Variants in EHMT1 observed in about 807,000 individuals in gnomAD.
EHMT1 encodes the protein histone-lysine N-methyltransferase EHMT1.
EHMT1 carries 15 observed loss-of-function variants against 147.2 expected under a neutral mutation model. The ratio of observed to expected loss-of-function variants is 0.10; its 90% CI spans 0.07 to 0.16. EHMT1 has a LOEUF of 0.16. Among genes scored for constraint, EHMT1 ranks in the 10% least tolerant of loss-of-function variants. The probability of loss-of-function intolerance (pLI) is 1.00; values close to 1 mark genes in which losing one functional copy is unlikely to be tolerated. For missense variants in EHMT1, 1,587 were observed against 1,772.4 expected (o/e 0.90, Z 1.88); for synonymous variants, 795 against 709.6 (o/e 1.12, Z -1.91).
At position 137,693,090 on chromosome 9, in the gene EHMT1, G is replaced by T. The variant is rs140797696; in HGVS notation, c.22-17877G>T. 2.6e-5 allele frequency among the ~76,000 whole-genome samples: 4 copies of T among 152,278 alleles called. No individual in the cohort carries two copies. In the East Asian group the frequency reaches 5.8e-4, roughly 22 times the overall value. On this transcript the variant is annotated intron_variant, in intron 1 of 26. Coordinates refer to ENST00000460843, the MANE Select transcript of EHMT1 (RefSeq NM_024757.5). ...ATAAGACTTTTTAGAAAGGAAAAGT[G>T]TAGTGGGTGGATGGAAAGAGCAGGT...
chr9:137,637,359 G>C (rs1844161365), intron 1 of EHMT1: 1 of 152,146 alleles, frequency 6.6e-6, no homozygotes, highest in African/African-American at 2.4e-5. Flanking sequence ...ATTTTTAGTA[G>C]AGATGGGATT....
rs1409865645 is a variant in EHMT1 at position 137,835,163 on chromosome 9, C to G, written c.*210C>G. 4.1e-6 allele frequency: 2 copies of G among 491,234 alleles called. No individual in the cohort carries two copies. The highest frequency in any genetic ancestry group is 6.6e-6 in the Non-Finnish European group (2 of 301,314). The allele number at this position is 491,234 out of a possible 1,614,324, so 30.4% of individuals were successfully genotyped here. A position where few individuals can be genotyped will look rare whatever the true frequency, so the allele number is the denominator to read the frequency against. ...CCCAGACCTGCGGCCTCACCGCGGGCCCAGTGCCCAGGCTGGAGCGCACAC... is the reference window on the plus strand; with the variant it reads ...CCCAGACCTGCGGCCTCACCGCGGGGCCAGTGCCCAGGCTGGAGCGCACAC... On this transcript the variant is annotated 3_prime_UTR_variant, in exon 27 of 27. Transcript: ENST00000460843.
chr9:137,658,250 A>G (rs566984046), intron 1 of EHMT1, among the ~76,000 whole-genome samples: 1 of 152,168 alleles, frequency 6.6e-6, no homozygotes, highest in South Asian at 2.1e-4. Flanking sequence ...TCCTGGGTTC[A>G]AGTGATTCTT....
chr9:137,686,782 G>GT (rs1162890100), intron 1 of EHMT1, among the ~76,000 whole-genome samples: 3 of 148,336 alleles, frequency 2.0e-5, no homozygotes, highest in African/African-American at 7.6e-5. Flanking sequence ...CCAGGCTAGA[G>GT]TGCAGTGGCG....
rs142643709 is a variant in EHMT1 at position 137,727,079 on chromosome 9, T to C, written c.643-1270T>C. On this transcript the variant is annotated intron_variant, in intron 3 of 26. Transcript: ENST00000460843. Reference sequence around the variant, plus strand: ...ATAATTCCTGATGGATTTGCAGATGTTTTCTCCATTCCATAACCTGCTTTT... The same window carrying C: ...ATAATTCCTGATGGATTTGCAGATGCTTTCTCCATTCCATAACCTGCTTTT... Among the ~76,000 whole-genome samples the C allele has an allele frequency of 5.5e-3, 844 of 152,312 alleles. 9 individuals carry two copies. The highest frequency in any genetic ancestry group is 0.019 in the African/African-American group (786 of 41,560).
chr9:137,796,916 T>A (rs1442877576), intron 16 of EHMT1, among the ~76,000 whole-genome samples: 1 of 152,072 alleles, frequency 6.6e-6, no homozygotes, highest in Non-Finnish European at 1.5e-5. Flanking sequence ...GGGTCCTTAC[T>A]GGTGGGGCGC....
At position 137,776,819 on chromosome 9, in the gene EHMT1, G is replaced by A. The variant is rs1950996044; in HGVS notation, c.1993G>A (p.Gly665Ser). 14 of 1,613,908 alleles carry A rather than the reference G, an allele frequency of 8.7e-6. No homozygotes were observed. The highest frequency in any genetic ancestry group is 1.2e-5 in the Non-Finnish European group (14 of 1,179,992). Residue 665 changes from glycine (G) to serine (S), a missense_variant, in exon 12 of 27, where the codon GGC (glycine) becomes AGC (serine). Transcript: ENST00000460843. This position sits in a 1 kb window ranked among gnomAD's most constrained non-coding sequence, Gnocchi z 4.4. ...GCAGGAGAAGGGCTCGGCCCTGGAG[G>A]GCAGGGCCGACACCACAACGGGCAG... Reference protein sequence around the residue: ...PGQEKGSALEGRADTTTGSAA... With the variant: ...PGQEKGSALESRADTTTGSAA...
chr9:137,717,045 C>G lies in EHMT1; in HGVS notation c.505C>G (p.Pro169Ala), dbSNP rs770718072. ...CAAAGGCAGGACTCCAAGCGCTTTT[C>G]CCCAGACGCCAGCCGCCCCACCAGC... is the stretch of plus-strand genomic sequence containing the variant. ...AGKGRTPSAFPQTPAAPPATL... is the reference protein window; with the variant it reads ...AGKGRTPSAFAQTPAAPPATL... Residue 169 changes from proline to alanine, a missense_variant, in exon 3 of 27, where the codon CCC becomes GCC. By Grantham distance (27) the Pro-to-Ala change is conservative (BLOSUM62 -1). Transcript: ENST00000460843. 4 of 1,606,970 alleles carry G rather than the reference C, an allele frequency of 2.5e-6. No homozygotes were observed. Among genetic ancestry groups the G allele is most frequent in the Non-Finnish European group, 3.4e-6 (4 of 1,175,888 alleles).
At position 137,813,443 on chromosome 9, in the gene EHMT1, C is replaced by T. The variant is rs62590780; in HGVS notation, c.3093C>T (p.Ser1031=). Residue 1031 remains serine (S), a synonymous_variant, in exon 21 of 27, where the codon AGC becomes AGT. Transcript: ENST00000460843. This position sits in a 1 kb window ranked among gnomAD's most constrained non-coding sequence, Gnocchi z 4.9. ...TCCCCTGTGTCAACGCCGTGGACAG[C>T]GAGCCATGCCCCAGCAACTACAAGT... is the stretch of plus-strand genomic sequence containing the variant. The part of the protein sequence containing the change: ...IPIPCVNAVD[S]EPCPSNYKYV... 124 of 1,613,656 alleles carry T rather than the reference C, an allele frequency of 7.7e-5. No individual in the cohort carries two copies. Among genetic ancestry groups the T allele is most frequent in the East Asian group, 3.8e-4 (17 of 44,886 alleles).
chr9:137,645,282 T>G (rs768293219), intron 1 of EHMT1, among the ~76,000 whole-genome samples: 1 of 152,288 alleles, frequency 6.6e-6, no homozygotes, highest in Non-Finnish European at 1.5e-5. Flanking sequence ...CGGAATTGGC[T>G]TGCGCCTTTA....
chr9:137,740,644 A>T (rs1947976067), intron 4 of EHMT1, among the ~76,000 whole-genome samples: 1 of 150,596 alleles, frequency 6.6e-6, no homozygotes, highest in Non-Finnish European at 1.5e-5. Context: ...ACATTTCTGA[A>T]AGTCATCCAT....
Position 137,788,051 on chromosome 9 carries a change from T to C in EHMT1, c.2383-2797T>C, listed in dbSNP as rs1952137646. ...GGAAGAGGGTTGAGGGCCTGATGGC[T>C]CCCGCTGGCAAAGTCTCCCCCTCCA... is the stretch of plus-strand genomic sequence containing the variant. On this transcript the variant is annotated intron_variant, in intron 15 of 26. Transcript: ENST00000460843. 24 of 1,357,732 alleles carry C rather than the reference T, an allele frequency of 1.8e-5. No homozygotes were observed. In the East Asian group the frequency reaches 5.8e-4, roughly 33 times the overall value. 84.1% of individuals were successfully genotyped at this position (1,357,732 alleles called of 1,614,324 possible).
At chr9:137,792,780 A>G (rs1367355498) in intron 16 of EHMT1, among the ~76,000 whole-genome samples, 3 of 152,210 alleles carry the variant, frequency 2.0e-5, no homozygotes, top group Admixed American at 2.0e-4. Flanking sequence ...TGAAGAAGAC[A>G]TGGGGGGAAA....
intron 18 of EHMT1, among the ~76,000 whole-genome samples, chr9:137,807,321 C>T (rs527939411): frequency 6.6e-6 from 1 of 152,052 alleles, no homozygotes. Flanking sequence ...TTCTTCTGCA[C>T]GTGATGCTGT....
At chr9:137,628,553 C>T (rs1167495872) in intron 1 of EHMT1, among the ~76,000 whole-genome samples, 1 of 152,190 alleles carries the variant, frequency 6.6e-6, no homozygotes. Context: ...GTGTTAGGAT[C>T]ACAGGCGTGA....
At chr9:137,651,778 G>A (rs1564542246) in intron 1 of EHMT1, among the ~76,000 whole-genome samples, 1 of 152,166 alleles carries the variant, frequency 6.6e-6, no homozygotes. Context: ...CTGAGTGACA[G>A]CGAGACGCCG....
At chr9:137,643,826 CTT>C (rs1245817634) in intron 1 of EHMT1, among the ~76,000 whole-genome samples, 4 of 152,104 alleles carry the variant, frequency 2.6e-5, no homozygotes, top group African/African-American at 7.2e-5. Flanking sequence ...GTGTGGAACT[CTT>C]TGCGTTTTTC....
chr9:137,831,896 G>A (rs749196690), intron 25 of EHMT1, among the ~76,000 whole-genome samples: 1 of 151,798 alleles, frequency 6.6e-6, no homozygotes, highest in Admixed American at 6.5e-5. Context: ...CTGTGCTTTC[G>A]CCTCAGTCCT....
At chr9:137,772,513 G>GCCAGCTCTGTATTTACA (rs1022429028) in intron 10 of EHMT1, among the ~76,000 whole-genome samples, 2 of 152,174 alleles carry the variant, frequency 1.3e-5, no homozygotes, top group African/African-American at 4.8e-5. Context: ...GCTCCGCCTC[G>GCCAGCTCTGTATTTACA]CCAGCTCTGT....
Sources: allele counts gnomAD v4.1 joint callset (sites outside exome capture counted in the v4.1 genomes callset), GRCh38; gene constraint gnomAD v4.1.1; non-coding constraint Gnocchi (gnomAD v3.1); transcripts MANE v1.5; gene names NCBI Gene and HGNC (gene_info 2026-07-23, HGNC 2026-07-21).